Variants in CCDC85A observed in about 807,000 individuals in gnomAD.
CCDC85A encodes coiled-coil domain-containing protein 85A.
CCDC85A carries 38 observed loss-of-function variants against 50.2 expected under a neutral mutation model. That is an observed-to-expected ratio of 0.76 (90% CI 0.58 to 0.99). The LOEUF (loss-of-function observed/expected upper bound fraction) is 0.99. Ranked by LOEUF, CCDC85A falls within the 50% of genes least tolerant of loss-of-function variation. The pLI, the probability that CCDC85A is intolerant of heterozygous loss-of-function variation, is 0.00. For missense variants in CCDC85A, 820 were observed against 742.0 expected (o/e 1.11, Z -1.22); for synonymous variants, 366 against 301.4 (o/e 1.21, Z -2.22).
chr2:56,199,569 C>G (rs368623880), intron 2 of CCDC85A, among the ~76,000 whole-genome samples: 1 of 148,700 alleles, frequency 6.7e-6, no homozygotes, highest in African/African-American at 2.5e-5. Flanking sequence ...TATGAGTATT[C>G]TTTTTTTTTT....
rs568729613 is a variant in CCDC85A, at chr2:56,310,831, A to G, written c.1241-32048A>G. Among the ~76,000 whole-genome samples the G allele has an allele frequency of 5.9e-5, 9 of 152,282 alleles. No homozygotes were observed. In the South Asian group the frequency reaches 1.2e-3, roughly 21 times the overall value. Reference sequence around the variant, plus strand: ...CAGAAAGTGAGGATTAGTTCCATCTATTTTCCACTTCAGTTTGGTAGATGT... The same window carrying G: ...CAGAAAGTGAGGATTAGTTCCATCTGTTTTCCACTTCAGTTTGGTAGATGT... On this transcript the variant is annotated intron_variant, in intron 2 of 5. Coordinates refer to ENST00000407595, the MANE Select transcript of CCDC85A (RefSeq NM_001080433.2).
At chr2:56,256,822 C>A (rs982545370) in intron 2 of CCDC85A, among the ~76,000 whole-genome samples, 7 of 152,166 alleles carry the variant, frequency 4.6e-5, no homozygotes, top group Admixed American at 4.6e-4. Flanking sequence ...CCTGCAGACT[C>A]GTCTGAAAAG....
chr2:56,370,636 A>G (rs1232218237), intron 3 of CCDC85A, among the ~76,000 whole-genome samples: 1 of 152,140 alleles, frequency 6.6e-6, no homozygotes, highest in Non-Finnish European at 1.5e-5. Flanking sequence ...TGTAGTATCT[A>G]CTTTCTGAAA....
At chr2:56,209,694 G>C (rs768737531) in intron 2 of CCDC85A, among the ~76,000 whole-genome samples, 1 of 152,058 alleles carries the variant, frequency 6.6e-6, no homozygotes, top group African/African-American at 2.4e-5. Flanking sequence ...TTGCGATTTT[G>C]ACTTTGTGGA....
At chr2:56,228,915 C>T (rs773194006) in intron 2 of CCDC85A, among the ~76,000 whole-genome samples, 1 of 152,178 alleles carries the variant, frequency 6.6e-6, no homozygotes. Context: ...ACCTTCTAAA[C>T]TTCCATTTAT....
intron 3 of CCDC85A, among the ~76,000 whole-genome samples, chr2:56,357,966 A>G: frequency 6.6e-6 from 1 of 151,940 alleles, no homozygotes; most frequent in South Asian, 2.1e-4. Flanking sequence ...TCCCATTCTG[A>G]CCCTGGCCCC....
chr2:56,240,078 TCA>T (rs1669186604), intron 2 of CCDC85A, among the ~76,000 whole-genome samples: 1 of 152,158 alleles, frequency 6.6e-6, no homozygotes, highest in South Asian at 2.1e-4. Flanking sequence ...TTAAGTATAT[TCA>T]CAGAGTTGTA....
At chr2:56,273,329 C>A (rs1284677133) in intron 2 of CCDC85A, among the ~76,000 whole-genome samples, 2 of 151,922 alleles carry the variant, frequency 1.3e-5, no homozygotes, top group Non-Finnish European at 2.9e-5. Context: ...CTAAAGGGTG[C>A]AGTGAGCACC....
intron 2 of CCDC85A, among the ~76,000 whole-genome samples, chr2:56,234,705 A>G (rs1307366068): frequency 6.6e-6 from 1 of 151,504 alleles, no homozygotes; most frequent in African/African-American, 2.4e-5. Flanking sequence ...GCCCCCTTAG[A>G]TCTTCGCTAA....
At chr2:56,275,816 A>G (rs1670908400) in intron 2 of CCDC85A, among the ~76,000 whole-genome samples, 1 of 152,204 alleles carries the variant, frequency 6.6e-6, no homozygotes, top group Non-Finnish European at 1.5e-5. Flanking sequence ...ATTTTTACCC[A>G]TAAGCAAAAG....
At chr2:56,359,665 G>A (rs1675426872) in intron 3 of CCDC85A, among the ~76,000 whole-genome samples, 1 of 152,214 alleles carries the variant, frequency 6.6e-6, no homozygotes, top group South Asian at 2.1e-4. Context: ...GGCTAAGGAG[G>A]AGTCAGAAAT....
chr2:56,263,828 C>T (rs1163676969), intron 2 of CCDC85A, among the ~76,000 whole-genome samples: 3 of 152,188 alleles, frequency 2.0e-5, no homozygotes, highest in Admixed American at 1.3e-4. Context: ...CCAGCTTACA[C>T]ACTATAACAC....
chr2:56,257,198 C>A (rs921688421), intron 2 of CCDC85A, among the ~76,000 whole-genome samples: 1 of 152,124 alleles, frequency 6.6e-6, no homozygotes, highest in South Asian at 2.1e-4. Flanking sequence ...CAGTCCCTGA[C>A]ATAAGGTATC....
chr2:56,342,746 A>T lies in CCDC85A; in HGVS notation c.1241-133A>T, dbSNP rs1013640862. ...TTCTGTTCTTATTTTTCTGGGAGAT[A>T]TTTTTTTTTCTCATTTTAAATAACA... On this transcript the variant is annotated intron_variant, in intron 2 of 5. Coordinates refer to ENST00000407595, the MANE Select transcript of CCDC85A (RefSeq NM_001080433.2). 1,286 of 493,000 alleles carry T rather than the reference A, an allele frequency of 2.6e-3. 3 individuals carry two copies. The highest frequency in any genetic ancestry group is 3.9e-3 in the Non-Finnish European group (1,087 of 279,402). The allele number at this position is 493,000 out of a possible 1,614,324, so 30.5% of individuals were successfully genotyped here. A position where few individuals can be genotyped will look rare whatever the true frequency, so the allele number is the denominator to read the frequency against.
intron 2 of CCDC85A, among the ~76,000 whole-genome samples, chr2:56,301,978 G>A (rs977947210): frequency 2.6e-5 from 4 of 152,224 alleles, no homozygotes; most frequent in African/African-American, 4.8e-5. Flanking sequence ...TAAATAGGCC[G>A]GGCGTAGTGG....
chr2:56,254,396 TTAAA>T (rs1021894692), intron 2 of CCDC85A, among the ~76,000 whole-genome samples: 13 of 152,240 alleles, frequency 8.5e-5, no homozygotes, highest in African/African-American at 2.9e-4. Flanking sequence ...CCTGAAACAA[TTAAA>T]TAGAGATACG....
At chr2:56,357,391 T>C (rs1470874742) in intron 3 of CCDC85A, among the ~76,000 whole-genome samples, 2 of 152,222 alleles carry the variant, frequency 1.3e-5, no homozygotes, top group Non-Finnish European at 2.9e-5. Flanking sequence ...TTTGGGGTGA[T>C]TTCTTGTGGC....
At chr2:56,281,029 C>T (rs1671183975) in intron 2 of CCDC85A, among the ~76,000 whole-genome samples, 2 of 152,062 alleles carry the variant, frequency 1.3e-5, no homozygotes, top group Non-Finnish European at 2.9e-5. Flanking sequence ...GTCCACGTAA[C>T]CAATACTTAA....
intron 2 of CCDC85A, among the ~76,000 whole-genome samples, chr2:56,276,296 A>ATTTT (rs559075781): frequency 2.4e-4 from 37 of 151,968 alleles, no homozygotes; most frequent in Non-Finnish European, 4.0e-4. Flanking sequence ...CTGGCTTTTT[A>ATTTT]TTTTGCTTAC....
Sources: gnomAD v4.1 joint callset for allele counts (sites outside exome capture counted in the v4.1 genomes callset) on GRCh38, gnomAD v4.1.1 for gene constraint, MANE v1.5 for transcripts, NCBI Gene and HGNC (gene_info 2026-07-23, HGNC 2026-07-21) for gene names.